The following PPARGC1B variants were observed in gnomAD, a reference collection of about 807,000 sequenced individuals.
PPARGC1B encodes the protein peroxisome proliferator-activated receptor gamma coactivator 1-beta.
PPARGC1B carries 34 observed loss-of-function variants against 101.6 expected under a neutral mutation model. The observed-to-expected ratio is 0.33, with a 90% CI of 0.25 to 0.45. PPARGC1B has a LOEUF of 0.45. Among genes scored for constraint, PPARGC1B ranks in the 20% least tolerant of loss-of-function variants. The pLI is 1.00. For synonymous variants in PPARGC1B, 548 were observed against 539.3 expected (o/e 1.02, Z -0.22); for missense variants, 1,234 against 1,317.6 (o/e 0.94, Z 0.98).
At chr5:149,735,302 C>A (rs902714726) in intron 1 of PPARGC1B, among the ~76,000 whole-genome samples, 6 of 152,162 alleles carry the variant, frequency 3.9e-5, no homozygotes, top group Non-Finnish European at 7.3e-5. Flanking sequence ...GCTCATATTT[C>A]CTCTTTACCT....
At chr5:149,824,973 C>T (rs183996856) in intron 2 of PPARGC1B, among the ~76,000 whole-genome samples, 465 of 152,380 alleles carry the variant, frequency 3.1e-3, no homozygotes, top group Non-Finnish European at 5.2e-3. Flanking sequence ...GCCAAAAGGC[C>T]GTCACGAGAC....
At chr5:149,793,032 C>G (rs1300817014) in intron 1 of PPARGC1B, among the ~76,000 whole-genome samples, 1 of 151,956 alleles carries the variant, frequency 6.6e-6, no homozygotes, top group African/African-American at 2.4e-5. Flanking sequence ...ATACCCTCAG[C>G]TGCTTCATCC....
At chr5:149,763,441 C>G (rs915517323) in intron 1 of PPARGC1B, among the ~76,000 whole-genome samples, 3 of 151,444 alleles carry the variant, frequency 2.0e-5, no homozygotes, top group Non-Finnish European at 1.5e-5. Context: ...TGAGCTCTGT[C>G]CTGGCTGTGG....
At position 149,833,438 on chromosome 5, in the gene PPARGC1B, G is replaced by T. The variant is rs144236856; in HGVS notation, c.1365G>T (p.Arg455Ser). 63 of 1,579,930 alleles carry T rather than the reference G, an allele frequency of 4.0e-5. No homozygotes were observed. Among genetic ancestry groups the T allele is most frequent in the Non-Finnish European group, 4.7e-5 (55 of 1,163,102 alleles). The change falls in exon 5 of 12, where the codon AGG (arginine) becomes AGT (serine). Residue 455 changes from arginine (R) to serine (S), a missense_variant. Arg to Ser is a moderately radical substitution (Grantham distance 110). Around this residue, in one of 3 missense-constraint regions of PPARGC1B, gnomAD observed 734 missense variants for 768.4 expected, o/e 0.96. Transcript: ENST00000309241. The surrounding 1 kb of genome is among the most constrained non-coding windows in gnomAD (Gnocchi z 4.1). The stretch of plus-strand genomic sequence containing the variant: ...AGGAGGAGGAGTGGGGCAGGAAAAG[G>T]CCAGGCCGAGGCCTGCCATGGACGA... Reference protein sequence around the residue: ...KEEEEEWGRKRPGRGLPWTKL... With the variant: ...KEEEEEWGRKSPGRGLPWTKL...
chr5:149,854,001 A>C lies in PPARGC1B; in HGVS notation c.*6443A>C, dbSNP rs1051565606. 2.6e-5 allele frequency: 4 copies of C among 152,170 alleles called. No homozygotes were observed. The highest frequency in any genetic ancestry group is 9.7e-5 in the African/African-American group (4 of 41,436). 9.4% of individuals were successfully genotyped at this position (152,170 alleles called of 1,614,324 possible). A position where few individuals can be genotyped will look rare whatever the true frequency, so the allele number is the denominator to read the frequency against. Reference sequence around the variant, plus strand: ...AGCTGCTAATGTTGAAACCAACACGAGCCCTCTCCCCAACCCCAGGTTTCT... The same window carrying C: ...AGCTGCTAATGTTGAAACCAACACGCGCCCTCTCCCCAACCCCAGGTTTCT... On this transcript the variant is annotated 3_prime_UTR_variant, in exon 12 of 12. Transcript: ENST00000309241.
intron 1 of PPARGC1B, among the ~76,000 whole-genome samples, chr5:149,809,687 TAAAA>T (rs35168335): frequency 0.35 from 37,977 of 108,806 alleles, 6,481 homozygotes; most frequent in East Asian, 0.48. Context: ...GATCCTTTCT[TAAAA>T]AAAAAAAAAA....
chr5:149,819,942 A>G (rs1758216761), intron 1 of PPARGC1B, among the ~76,000 whole-genome samples: 1 of 152,236 alleles, frequency 6.6e-6, no homozygotes, highest in South Asian at 2.1e-4. Context: ...GACATTACAT[A>G]TATTCCTATA....
intron 10 of PPARGC1B, among the ~76,000 whole-genome samples, chr5:149,845,368 G>T (rs1167628155): frequency 6.6e-6 from 1 of 152,208 alleles, no homozygotes; most frequent in Non-Finnish European, 1.5e-5. Context: ...GAAACATACA[G>T]CGGTGTTAAG....
At chr5:149,820,982 G>C (rs1758272185) in intron 2 of PPARGC1B, among the ~76,000 whole-genome samples, 1 of 152,192 alleles carries the variant, frequency 6.6e-6, no homozygotes, top group Non-Finnish European at 1.5e-5. Context: ...TACAGATAAG[G>C]AAAATGAGGC....
At chr5:149,738,309 G>A (rs577245959) in intron 1 of PPARGC1B, among the ~76,000 whole-genome samples, 190 of 152,200 alleles carry the variant, frequency 1.2e-3, no homozygotes, top group Non-Finnish European at 2.1e-3. Context: ...AAGGATTTTC[G>A]TTCATTTCAC....
chr5:149,839,146 A>G (rs1759229086), intron 8 of PPARGC1B, among the ~76,000 whole-genome samples: 1 of 152,204 alleles, frequency 6.6e-6, no homozygotes, highest in South Asian at 2.1e-4. Context: ...AAATAGAGCA[A>G]ATATTTACGG....
At chr5:149,753,389 G>T (rs1755388132) in intron 1 of PPARGC1B, among the ~76,000 whole-genome samples, 1 of 151,818 alleles carries the variant, frequency 6.6e-6, no homozygotes, top group South Asian at 2.1e-4. Flanking sequence ...TATATTTTTG[G>T]TAGAGGCAGG....
At position 149,854,387 on chromosome 5, in the gene PPARGC1B, TTGTGTG is replaced by T. The variant is rs143978112; in HGVS notation, c.*6844_*6849del. ...CACGTCTGTGCCTGTGTGTGTGTGT[TTGTGTG>T]TGTGTGTGTGTGTGGAATTACATTG... On this transcript the variant is annotated 3_prime_UTR_variant, in exon 12 of 12. Coordinates refer to ENST00000309241, the MANE Select transcript of PPARGC1B (RefSeq NM_133263.4). The T allele has an allele frequency of 6.7e-6, 1 of 149,098 alleles. No homozygotes were observed. The highest frequency in any genetic ancestry group is 2.5e-5 in the African/African-American group (1 of 40,632). The allele number at this position is 149,098 out of a possible 1,614,324, so 9.2% of individuals were successfully genotyped here. A position where few individuals can be genotyped will look rare whatever the true frequency, so the allele number is the denominator to read the frequency against.
At chr5:149,774,500 C>A (rs906379580) in intron 1 of PPARGC1B, among the ~76,000 whole-genome samples, 61 of 152,030 alleles carry the variant, frequency 4.0e-4, no homozygotes, top group African/African-American at 1.2e-3. Flanking sequence ...TCTGGTCCCA[C>A]GATGACCGGC....
At chr5:149,791,367 C>T (rs1230782202) in intron 1 of PPARGC1B, among the ~76,000 whole-genome samples, 2 of 151,216 alleles carry the variant, frequency 1.3e-5, no homozygotes, top group East Asian at 2.0e-4. Context: ...TAAGAAACCT[C>T]ACTCCCAACT....
intron 1 of PPARGC1B, among the ~76,000 whole-genome samples, chr5:149,774,042 T>G (rs935032724): frequency 1.3e-5 from 2 of 152,198 alleles, no homozygotes; most frequent in African/African-American, 4.8e-5. Flanking sequence ...GCCCTCCTGC[T>G]TTGGCCACTG....
At chr5:149,822,178 C>T (rs1758328202) in intron 2 of PPARGC1B, among the ~76,000 whole-genome samples, 1 of 152,162 alleles carries the variant, frequency 6.6e-6, no homozygotes. Flanking sequence ...TTGCAGAGAA[C>T]TCATGAGTGA....
intron 1 of PPARGC1B, among the ~76,000 whole-genome samples, chr5:149,813,570 C>T (rs77655035): frequency 0.058 from 8,762 of 152,218 alleles, 370 homozygotes; most frequent in Admixed American, 0.15. Context: ...GTTCACGAAG[C>T]ATTGACCCTC....
intron 3 of PPARGC1B, among the ~76,000 whole-genome samples, chr5:149,828,534 A>G (rs1758617394): frequency 6.6e-6 from 1 of 152,276 alleles, no homozygotes; most frequent in Admixed American, 6.5e-5. Flanking sequence ...AGTGGTAACA[A>G]GCATTCTAGT....
Sources: allele counts gnomAD v4.1 joint callset (sites outside exome capture counted in the v4.1 genomes callset), GRCh38; gene constraint gnomAD v4.1.1; regional missense constraint gnomAD v4.1.1; non-coding constraint Gnocchi (gnomAD v3.1); transcripts MANE v1.5; gene names NCBI Gene and HGNC (gene_info 2026-07-23, HGNC 2026-07-21).